The following CNTRL variants were observed in gnomAD, a reference collection of about 807,000 sequenced individuals.
CNTRL encodes the protein centriolin.
A neutral mutation model predicts 303.7 loss-of-function variants in CNTRL; 233 were observed. That is an observed-to-expected ratio of 0.77 (90% CI 0.69 to 0.86). The LOEUF (loss-of-function observed/expected upper bound fraction) is 0.86. Ranked by LOEUF, CNTRL falls within the 40% of genes least tolerant of loss-of-function variation. The pLI is 0.00. For synonymous variants in CNTRL, 900 were observed against 922.2 expected (o/e 0.98, Z 0.44); for missense variants, 2,524 against 2,650.6 (o/e 0.95, Z 1.05).
intron 7 of CNTRL, among the ~76,000 whole-genome samples, chr9:121,107,361 A>T (rs2049525916): frequency 6.6e-6 from 1 of 152,232 alleles, no homozygotes; most frequent in South Asian, 2.1e-4. Flanking sequence ...AGTCCAAATT[A>T]TGAAGAACTT....
intron 5 of CNTRL, among the ~76,000 whole-genome samples, chr9:121,096,221 A>G (rs1170849765): frequency 1.3e-5 from 2 of 152,228 alleles, no homozygotes; most frequent in African/African-American, 4.8e-5. Flanking sequence ...TCCTGGGCAT[A>G]GTAATAAAAA....
intron 7 of CNTRL, among the ~76,000 whole-genome samples, chr9:121,107,470 G>C (rs1444670669): frequency 6.6e-6 from 1 of 152,130 alleles, no homozygotes; most frequent in Non-Finnish European, 1.5e-5. Flanking sequence ...CATGTTTGCA[G>C]CATCCTTTTA....
At chr9:121,154,463 A>C (rs1275708149) in intron 26 of CNTRL, among the ~76,000 whole-genome samples, 2 of 152,246 alleles carry the variant, frequency 1.3e-5, no homozygotes, top group African/African-American at 2.4e-5. Flanking sequence ...ACAACACAAT[A>C]ATCTTTGTTG....
At chr9:121,093,754 T>C (rs1157867838) in intron 4 of CNTRL, among the ~76,000 whole-genome samples, 1 of 152,178 alleles carries the variant, frequency 6.6e-6, no homozygotes, top group Non-Finnish European at 1.5e-5. Context: ...ATGCCTCATA[T>C]GTAGTAAGTG....
chr9:121,140,917 A>C (rs1167752798), intron 17 of CNTRL, 131 bp downstream of exon 17: 6 of 837,812 alleles, frequency 7.2e-6, no homozygotes, highest in Non-Finnish European at 6.9e-6. Flanking sequence ...GGTTCTCCTT[A>C]TGAAGTTTTC....
chr9:121,174,693 ATCT>A lies in CNTRL; in HGVS notation c.6748-321_6748-319del, dbSNP rs1217146100. Among the ~76,000 whole-genome samples, 3 of 152,206 alleles carry A rather than the reference ATCT, an allele frequency of 2.0e-5. No homozygotes were observed. The East Asian group carries it at 5.8e-4, about 29-fold the overall frequency. ...CACTCCAGTTGTCAAGTATAAACTG[ATCT>A]TCTCAGTCATAACAGAAAAGGAAAA... On this transcript the variant is annotated intron_variant, in intron 42 of 43. Transcript: ENST00000373855.
chr9:121,177,073 T>C, intron 43 of CNTRL, 90 bp from the exon 44 acceptor site: 1 of 1,030,940 alleles, frequency 9.7e-7, no homozygotes, highest in Non-Finnish European at 1.5e-6. Context: ...AAATATGTCA[T>C]TTACCTATAA....
At position 121,160,122 on chromosome 9, in the gene CNTRL, CTTTT is replaced by C. The variant is rs561579740; in HGVS notation, c.4930-13_4930-10del. The C allele has an allele frequency of 1.8e-6, 2 of 1,135,380 alleles. No individual in the cohort carries two copies. Among genetic ancestry groups the C allele is most frequent in the Non-Finnish European group, 2.3e-6 (2 of 852,154 alleles). 70.3% of individuals were successfully genotyped at this position (1,135,380 alleles called of 1,614,324 possible). On this transcript the variant is annotated splice_polypyrimidine_tract_variant and intron_variant, in intron 31 of 43. Transcript: ENST00000373855. Reference sequence around the variant, plus strand: ...CATTTACAGTCACAGGAGGGAATAACTTTTTTTTTTTCAAACACAGGAAGTAAAA... The same window carrying C: ...CATTTACAGTCACAGGAGGGAATAACTTTTTTTCAAACACAGGAAGTAAAA...
intron 19 of CNTRL, among the ~76,000 whole-genome samples, chr9:121,142,897 G>T: frequency 6.6e-6 from 1 of 151,530 alleles, no homozygotes; most frequent in Non-Finnish European, 1.5e-5. Context: ...TAAATTTTGT[G>T]GTCTACCAAC....
In CNTRL at chr9:121,169,604, ATTTCAGAACGGCAGC is replaced by A; in HGVS notation, c.6073_6087del (p.Gln2026_Arg2030del). The A allele has an allele frequency of 6.2e-7, 1 of 1,613,972 alleles. No individual in the cohort carries two copies. Among genetic ancestry groups the A allele is most frequent in the Non-Finnish European group, 8.5e-7 (1 of 1,179,954 alleles). ...TTGGCTAAACCTACTGAAAATGCTC[ATTTCAGAACGGCAGC>A]TTTCAGAAAGGGAGCAGCAATTGGT... On this transcript the variant is annotated splice_acceptor_variant and splice_polypyrimidine_tract_variant and coding_sequence_variant and intron_variant, in exon 39 of 44. Coordinates refer to ENST00000373855, the MANE Select transcript of CNTRL (RefSeq NM_007018.6). LOFTEE classifies it high-confidence loss of function.
Position 121,173,421 on chromosome 9 carries a change from A to G in CNTRL, c.6596A>G (p.Glu2199Gly). 6.2e-7 allele frequency: 1 copy of G among 1,614,056 alleles called. No homozygotes were observed. The highest frequency in any genetic ancestry group is 1.1e-5 in the South Asian group (1 of 91,088). ...ILERNENLEG[E>G]LESLKENLPF... Reference sequence around the variant, plus strand: ...GAAAGAAACGAAAACCTAGAAGGAGAATTGGAAAGCTTGAAAGAGAACCTT... The same window carrying G: ...GAAAGAAACGAAAACCTAGAAGGAGGATTGGAAAGCTTGAAAGAGAACCTT... The change falls in exon 41 of 44, where the codon GAA becomes GGA. Residue 2199 changes from glutamate (E) to glycine (G), a missense_variant. Coordinates refer to ENST00000373855, the MANE Select transcript of CNTRL (RefSeq NM_007018.6).
At chr9:121,128,368 T>C (rs1401010091) in intron 14 of CNTRL, among the ~76,000 whole-genome samples, 1 of 152,234 alleles carries the variant, frequency 6.6e-6, no homozygotes, top group Non-Finnish European at 1.5e-5. Flanking sequence ...CTCATTGTGG[T>C]TTTGATTTGC....
intron 9 of CNTRL, among the ~76,000 whole-genome samples, chr9:121,113,204 A>C (rs1317206490): frequency 1.3e-5 from 2 of 152,214 alleles, no homozygotes; most frequent in African/African-American, 4.8e-5. Context: ...AATTTGAGAG[A>C]TCAAGCAGTG....
chr9:121,141,233 C>T (rs1355959739), intron 17 of CNTRL, 148 bp from the exon 18 acceptor site: 6 of 628,180 alleles, frequency 9.6e-6, no homozygotes, highest in East Asian at 2.8e-5. Flanking sequence ...CAATAATTTG[C>T]GCTTAGGAGA....
chr9:121,094,687 G>C (rs868340423), intron 4 of CNTRL, among the ~76,000 whole-genome samples: 6 of 152,136 alleles, frequency 3.9e-5, no homozygotes, highest in Admixed American at 1.3e-4. Context: ...GTCAACTGAA[G>C]GGCAAAGAGA....
At chr9:121,114,380 G>C (rs745685904) in intron 10 of CNTRL, among the ~76,000 whole-genome samples, 3 of 152,194 alleles carry the variant, frequency 2.0e-5, no homozygotes, top group Non-Finnish European at 4.4e-5. Context: ...GGTGCTCTCA[G>C]TCAGACCAGC....
chr9:121,108,600 T>C (rs1017204693), intron 8 of CNTRL, among the ~76,000 whole-genome samples: 2 of 152,106 alleles, frequency 1.3e-5, no homozygotes, highest in African/African-American at 4.8e-5. Context: ...GACTGTGCTC[T>C]TCTCTATGTC....
chr9:121,104,631 G>A (rs2049365775), intron 7 of CNTRL, among the ~76,000 whole-genome samples: 2 of 151,648 alleles, frequency 1.3e-5, no homozygotes, highest in Admixed American at 1.3e-4. Flanking sequence ...ATAAGTAGGT[G>A]TGAGATGGCA....
chr9:121,158,077 A>C lies in CNTRL; in HGVS notation c.4732A>C (p.Lys1578Gln). The change falls in exon 30 of 44, where the codon AAA becomes CAA. Residue 1578 changes from lysine to glutamine, a missense_variant. By Grantham distance (53) the Lys-to-Gln change is moderately conservative. Transcript: ENST00000373855. The part of the protein sequence containing the change: ...LKESEVLLQA[K>Q]RAELEKLKSQ... ...AGAATCTGAGGTGCTTCTTCAGGCC[A>C]AAAGAGCCGAGCTGGAAAAGCTGAA... 1 of 1,614,174 alleles carries C rather than the reference A, an allele frequency of 6.2e-7. No individual in the cohort carries two copies. Among genetic ancestry groups the C allele is most frequent in the Non-Finnish European group, 8.5e-7 (1 of 1,180,016 alleles).
Sources: gnomAD v4.1 joint callset for allele counts (sites outside exome capture counted in the v4.1 genomes callset) on GRCh38, gnomAD v4.1.1 for gene constraint, MANE v1.5 for transcripts, NCBI Gene and HGNC (gene_info 2026-07-23, HGNC 2026-07-21) for gene names.